The following USP32 variants were observed in gnomAD, a reference collection of about 807,000 sequenced individuals.
The protein encoded by USP32 is ubiquitin specific peptidase 32.
In USP32, 59 loss-of-function variants were observed where a neutral mutation model predicts 204.8. The observed-to-expected ratio is 0.29, with a 90% confidence interval of 0.23 to 0.36. USP32 has a LOEUF of 0.36. Ranked by LOEUF, USP32 falls within the 10% of genes least tolerant of loss-of-function variation. The probability of loss-of-function intolerance (pLI) is 1.00; values close to 1 mark genes in which losing one functional copy is unlikely to be tolerated. For synonymous variants in USP32, 517 were observed against 678.4 expected, an observed-to-expected ratio of 0.76 and a Z score of 3.70; for missense variants, 1,160 against 1,946.4, an observed-to-expected ratio of 0.60 and a Z score of 7.60.
intron 11 of USP32, among the ~76,000 whole-genome samples, chr17:60,250,051 A>G (rs1372888226): frequency 6.6e-6 from 1 of 152,210 alleles, no homozygotes; most frequent in Non-Finnish European, 1.5e-5. Context: ...AAATGAACCC[A>G]TTTGGAACCA....
intron 9 of USP32, among the ~76,000 whole-genome samples, chr17:60,261,409 G>A (rs2145747450): frequency 6.6e-6 from 1 of 152,276 alleles, no homozygotes; most frequent in East Asian, 1.9e-4. Context: ...CACTTTGGGA[G>A]GCCAAGGCGG....
chr17:60,389,731 T>C (rs1037543483), intron 1 of USP32, among the ~76,000 whole-genome samples: 1 of 151,880 alleles, frequency 6.6e-6, no homozygotes, highest in East Asian at 1.9e-4. Context: ...CATAAATTCA[T>C]GCCGGCCGGG....
chr17:60,323,468 G>A (rs1290879481), intron 2 of USP32, among the ~76,000 whole-genome samples: 1 of 152,208 alleles, frequency 6.6e-6, no homozygotes, highest in Admixed American at 6.5e-5. Context: ...TGTGAGAGGA[G>A]AGGATGAAGA....
In USP32 at chr17:60,232,168, C is replaced by CTTT. The variant is rs58707657; in HGVS notation, c.1239+3967_1239+3969dup. ...ACATGTCAACACTAATTTTCTTTTT[C>CTTT]TTTTTTTTTTTTTTTTTTTTTTGAG... On this transcript the variant is annotated intron_variant, in intron 12 of 33. Transcript: ENST00000300896. Among the ~76,000 whole-genome samples, 183 of 109,454 alleles carry CTTT rather than the reference C, an allele frequency of 1.7e-3. 1 individual carries two copies. Among genetic ancestry groups the CTTT allele is most frequent in the African/African-American group, 3.5e-3 (93 of 26,950 alleles). 71.8% of individuals were successfully genotyped at this position (109,454 alleles called of 152,430 possible).
chr17:60,244,413 A>G lies in USP32; in HGVS notation c.1136+7968T>C, dbSNP rs925657416. ...ATATTTAAGGTAAAAACAGATGTGG[A>G]TTTATGTCTGCTATTTAGTTTTTTG... On this transcript the variant is annotated intron_variant, in intron 11 of 33. Transcript: ENST00000300896. 3.3e-5 allele frequency among the ~76,000 whole-genome samples: 5 copies of G among 152,136 alleles called. No homozygotes were observed. In the South Asian group the frequency reaches 1.0e-3, roughly 32 times the overall value.
chr17:60,283,583 A>T (rs552279526), intron 5 of USP32, among the ~76,000 whole-genome samples: 1 of 152,210 alleles, frequency 6.6e-6, no homozygotes, highest in Non-Finnish European at 1.5e-5. Flanking sequence ...AAGCTTGACA[A>T]GGAAAAGTCA....
intron 29 of USP32, 184 bp from the exon 30 acceptor site, chr17:60,185,835 G>A (rs1236350449): frequency 6.4e-6 from 4 of 629,082 alleles, no homozygotes; most frequent in Non-Finnish European, 1.0e-5. Flanking sequence ...GCCGAGGTGG[G>A]GTAATTGCTT....
chr17:60,362,098 T>C (rs1447226089), intron 1 of USP32, among the ~76,000 whole-genome samples: 1 of 152,146 alleles, frequency 6.6e-6, no homozygotes, highest in African/African-American at 2.4e-5. Context: ...GTGTCTGTAA[T>C]CAAAATGAAC....
chr17:60,272,989 G>A (rs2086758554), intron 5 of USP32, among the ~76,000 whole-genome samples: 1 of 152,140 alleles, frequency 6.6e-6, no homozygotes, highest in Non-Finnish European at 1.5e-5. Context: ...TGTTGTTTGA[G>A]ACAGAATCTC....
rs1555604168 is a variant in USP32, at chr17:60,264,881, A to AAAAG, written c.990+530_990+531insCTTT. On this transcript the variant is annotated intron_variant, in intron 9 of 33. Transcript: ENST00000300896. ...TCAAAAAAAAAAAAAAAAAAAAAAA[A>AAAAG]AGAGAGAGAGAATATATGTACTGCC... 2.1e-3 allele frequency among the ~76,000 whole-genome samples: 295 copies of AAAAG among 141,638 alleles called. 6 individuals are homozygous for AAAAG. The highest frequency in any genetic ancestry group is 7.7e-3 in the African/African-American group (279 of 36,150). The allele number at this position is 141,638 out of a possible 152,430, so 92.9% of individuals were successfully genotyped here. A position where few individuals can be genotyped will look rare whatever the true frequency, so the allele number is the denominator to read the frequency against.
In USP32 at chr17:60,225,964, A is replaced by AG. The variant is rs2085374715; in HGVS notation, c.1432+74_1432+75insC. ...TGAAACTCAGTCTCAAAAAAAAAAA[A>AG]AAAAAAGAAAAGAAAAGAAAGACCT... On this transcript the variant is annotated intron_variant, in intron 13 of 33. Coordinates refer to ENST00000300896, the MANE Select transcript of USP32 (RefSeq NM_032582.4). 3 of 1,458,194 alleles carry AG rather than the reference A, an allele frequency of 2.1e-6. No homozygotes were observed. In the African/African-American group the frequency reaches 4.5e-5, roughly 22 times the overall value. 90.3% of individuals were successfully genotyped at this position (1,458,194 alleles called of 1,614,324 possible).
Position 60,345,530 on chromosome 17 carries a change from C to G in USP32, c.137G>C (p.Cys46Ser), listed in dbSNP as rs1293207464. Residue 46 changes from cysteine (C) to serine (S), a missense_variant, in exon 2 of 34, where the codon TGC becomes TCC. Physicochemically the swap from Cys to Ser is moderately radical, Grantham distance 112 (BLOSUM62 -1). Transcript: ENST00000300896. ...ATCCCCAAGCACTTCCCGGATGAAG[C>G]AGTGCTGGCCCATGTAATATGAGAG... ...CGLSYYMGQH[C>S]FIREVLGDGV... 1 of 1,614,210 alleles carries G rather than the reference C, an allele frequency of 6.2e-7. No individual in the cohort carries two copies. Among genetic ancestry groups the G allele is most frequent in the South Asian group, 1.1e-5 (1 of 91,086 alleles).
At chr17:60,327,464 C>A (rs1175535291) in intron 2 of USP32, among the ~76,000 whole-genome samples, 1 of 152,146 alleles carries the variant, frequency 6.6e-6, no homozygotes. Context: ...TCCACAAAGG[C>A]AGCGGGACCC....
chr17:60,219,899 CT>C, intron 15 of USP32, 112 bp from the exon 16 acceptor site: 1 of 1,015,786 alleles, frequency 9.8e-7, no homozygotes, highest in South Asian at 1.7e-5. Flanking sequence ...AGTTCACTAG[CT>C]ACATTTCAGT....
At chr17:60,375,042 G>A (rs959945868) in intron 1 of USP32, among the ~76,000 whole-genome samples, 1 of 152,200 alleles carries the variant, frequency 6.6e-6, no homozygotes, top group African/African-American at 2.4e-5. Flanking sequence ...GAGATCATTA[G>A]TGAAATTTTC....
intron 9 of USP32, among the ~76,000 whole-genome samples, chr17:60,260,384 G>A (rs1448161922): frequency 6.6e-6 from 1 of 151,960 alleles, no homozygotes; most frequent in Non-Finnish European, 1.5e-5. Flanking sequence ...TTAGCTGGGT[G>A]TGGTGGCGGG....
Position 60,222,513 on chromosome 17 carries a change from G to A in USP32, c.1645C>T (p.Arg549Ter). The change falls in exon 15 of 34, where the codon CGA becomes TGA. Residue 549 changes from arginine (R) to a stop codon, truncating the protein, a stop_gained. Transcript: ENST00000300896. LOFTEE classifies it high-confidence loss of function. The part of the protein sequence containing the change: ...SLTLEGGRLK[R>*]TPQLIHGRDY... ...CTTCCATGAATCAGCTGTGGAGTTC[G>A]TTTTAATCGTCCTCCTTCTAGTGTT... The A allele has an allele frequency of 6.2e-7, 1 of 1,614,054 alleles. No individual in the cohort carries two copies. The highest frequency in any genetic ancestry group is 8.5e-7 in the Non-Finnish European group (1 of 1,179,996).
intron 27 of USP32, among the ~76,000 whole-genome samples, chr17:60,193,352 T>G (rs2084433576): frequency 6.6e-6 from 1 of 152,230 alleles, no homozygotes; most frequent in Admixed American, 6.5e-5. Context: ...GAAGTCTTCT[T>G]TAATCAGAAT....
intron 4 of USP32, among the ~76,000 whole-genome samples, chr17:60,289,340 AT>A (rs2087210026): frequency 6.6e-6 from 1 of 151,992 alleles, no homozygotes; most frequent in Admixed American, 6.6e-5. Context: ...AATAAATCCA[AT>A]TTTTCACTTG....
Sources: allele counts gnomAD v4.1 joint callset (sites outside exome capture counted in the v4.1 genomes callset), GRCh38; gene constraint gnomAD v4.1.1; transcripts MANE v1.5; gene names NCBI Gene and HGNC (gene_info 2026-07-23, HGNC 2026-07-21).